The following DUS1L variants were observed in gnomAD, a reference collection of about 807,000 sequenced individuals.
DUS1L encodes dihydrouridine synthase 1 like, also known as tRNA-dihydrouridine(16/17) synthase [NAD(P)(+)]-like.
DUS1L carries 56 observed loss-of-function variants against 61.2 expected under a neutral mutation model. The observed-to-expected ratio is 0.92, with a 90% CI of 0.74 to 1.14. The LOEUF is 1.14. DUS1L is among the 50% of genes most tolerant of loss of function. The pLI is 0.00. For synonymous variants in DUS1L, 278 were observed against 259.5 expected (o/e 1.07, Z -0.69); for missense variants, 630 against 632.4 (o/e 1.00, Z 0.04).
intron 1 of DUS1L, 98 bp from the exon 2 acceptor site, chr17:82,065,167 AC>A: frequency 1.8e-6 from 2 of 1,082,618 alleles, no homozygotes; most frequent in Non-Finnish European, 2.6e-6. Flanking sequence ...CCGCTCCAGT[AC>A]CACCGTTGGG....
In DUS1L at chr17:82,058,184, C is replaced by A; in HGVS notation, c.1353G>T (p.Gln451His). 6.2e-7 allele frequency: 1 copy of A among 1,601,592 alleles called. No individual in the cohort carries two copies. Among genetic ancestry groups the A allele is most frequent in the East Asian group, 2.3e-5 (1 of 44,290 alleles). The part of the protein sequence containing the change: ...LAWKEAQPEL[Q>H]EPQPAAPGTP... ...TTCCAGGTGCTGCTGGCTGAGGCTCCTGCAGCTCAGGCTGGGCCTCTTTCC... is the reference window on the plus strand; with the variant it reads ...TTCCAGGTGCTGCTGGCTGAGGCTCATGCAGCTCAGGCTGGGCCTCTTTCC... The change falls in exon 14 of 14, where the codon CAG becomes CAT. Residue 451 changes from glutamine (Q) to histidine (H), a missense_variant. Transcript: ENST00000306796.
rs1053643088 is a variant in DUS1L at position 82,061,197 on chromosome 17, G to C, written c.842+12C>G. The C allele has an allele frequency of 9.5e-6, 15 of 1,577,142 alleles. No individual in the cohort carries two copies. In the Admixed American group the frequency reaches 1.6e-4, roughly 17 times the overall value. ...CCCTCCAACGTGGCTTCTGCCTTAG[G>C]GGGCAACTCACGTGTGGTGCCACAG... On this transcript the variant is annotated intron_variant, in intron 8 of 13. Transcript: ENST00000306796.
Position 82,060,997 on chromosome 17 carries a change from C to T in DUS1L, c.843-36G>A, listed in dbSNP as rs558824016. The T allele has an allele frequency of 2.1e-5, 34 of 1,594,768 alleles. No individual in the cohort carries two copies. The African/African-American group carries it at 2.7e-4, about 13-fold the overall frequency. On this transcript the variant is annotated intron_variant, in intron 8 of 13. Coordinates refer to ENST00000306796, the MANE Select transcript of DUS1L (RefSeq NM_022156.5). Reference sequence around the variant, plus strand: ...GGCCCTGTCACGCAGGCTGGGCTCCCGGCTCCACCGTCAGGCCCCAGGCTG... The same window carrying T: ...GGCCCTGTCACGCAGGCTGGGCTCCTGGCTCCACCGTCAGGCCCCAGGCTG...
intron 10 of DUS1L, 46 bp downstream of exon 10, chr17:82,060,655 C>T (rs776183637): frequency 1.3e-6 from 2 of 1,595,244 alleles, no homozygotes; most frequent in South Asian, 1.1e-5. Context: ...AGGGTGGAGC[C>T]CACACCTTGG....
Position 82,064,379 on chromosome 17 carries a change from A to G in DUS1L, c.238-145T>C. ...GTGCTCTGTCCTGCGGAGGCTTACA[A>G]TATGACAAAGCCGGGAGGAGTCCCC... On this transcript the variant is annotated intron_variant, in intron 2 of 13. Coordinates refer to ENST00000306796, the MANE Select transcript of DUS1L (RefSeq NM_022156.5). 6 of 670,058 alleles carry G rather than the reference A, an allele frequency of 9.0e-6. No individual in the cohort carries two copies. The South Asian group carries it at 1.1e-4, about 13-fold the overall frequency. 41.5% of individuals were successfully genotyped at this position (670,058 alleles called of 1,614,324 possible). A position where few individuals can be genotyped will look rare whatever the true frequency, so the allele number is the denominator to read the frequency against.
chr17:82,062,035 G>A (rs2033530858), intron 5 of DUS1L, 52 bp from the exon 6 acceptor site: 2 of 1,489,220 alleles, frequency 1.3e-6, no homozygotes, highest in Non-Finnish European at 1.8e-6. Context: ...CCGCCCCTCA[G>A]AGCCCCCTCC....
intron 7 of DUS1L, 111 bp downstream of exon 7, chr17:82,061,507 A>G (rs2144732378): frequency 7.0e-7 from 1 of 1,422,306 alleles, no homozygotes; most frequent in South Asian, 1.3e-5. Context: ...GATGAACACC[A>G]TCTGTGAACA....
At position 82,061,313 on chromosome 17, in the gene DUS1L, G is replaced by C; in HGVS notation, c.738C>G (p.Ser246Arg). The change falls in exon 8 of 14, where the codon AGC (serine) becomes AGG (arginine). Residue 246 changes from serine to arginine, a missense_variant. Physicochemically the swap from Ser to Arg is moderately radical, Grantham distance 110. Coordinates refer to ENST00000306796, the MANE Select transcript of DUS1L (RefSeq NM_022156.5). ...CCTCGGCCAGCTCCCACACGGCAGG[G>C]CTCCGGCCCTCGAACAGGGCGGGGT... ...LHNPALFEGR[S>R]PAVWELAEEY... 6.2e-7 allele frequency: 1 copy of C among 1,609,522 alleles called. No individual in the cohort carries two copies. The highest frequency in any genetic ancestry group is 1.1e-5 in the South Asian group (1 of 90,712).
At position 82,058,417 on chromosome 17, in the gene DUS1L, C is replaced by G. The variant is rs202067934; in HGVS notation, c.1207-1G>C. The G allele has an allele frequency of 3.4e-5, 51 of 1,486,540 alleles. No homozygotes were observed. Among genetic ancestry groups the G allele is most frequent in the Non-Finnish European group, 4.4e-5 (49 of 1,116,868 alleles). 92.1% of individuals were successfully genotyped at this position (1,486,540 alleles called of 1,614,324 possible). On this transcript the variant is annotated splice_acceptor_variant, in intron 12 of 13. Coordinates refer to ENST00000306796, the MANE Select transcript of DUS1L (RefSeq NM_022156.5). LOFTEE classifies it high-confidence loss of function. ...ACAGGCTGAACACACATCTGTTGCC[C>G]TGGGCACAGGAAATCTCGGGAGCCT...
At chr17:82,063,425 G>A (rs1434641799) in intron 4 of DUS1L, 43 bp downstream of exon 4, 1 of 1,613,140 alleles carries the variant, frequency 6.2e-7, no homozygotes, top group African/African-American at 1.3e-5. Context: ...TGTCCCTCTT[G>A]AGGGTCTCTG....
chr17:82,059,380 G>A (rs1043217824), intron 11 of DUS1L: 2 of 167,632 alleles, frequency 1.2e-5, no homozygotes, highest in African/African-American at 4.8e-5. Flanking sequence ...GGTTATCGCT[G>A]GTCTCCCCTG....
chr17:82,061,446 C>T, intron 7 of DUS1L, 93 bp from the exon 8 acceptor site: 1 of 1,506,926 alleles, frequency 6.6e-7, no homozygotes, highest in Non-Finnish European at 8.9e-7. Context: ...CCTTCTGTGC[C>T]ACCTCACAAG....
At chr17:82,059,777 C>T (rs992125488) in intron 11 of DUS1L, 171 bp downstream of exon 11, 13 of 888,888 alleles carry the variant, frequency 1.5e-5, no homozygotes, top group African/African-American at 1.0e-4. Flanking sequence ...ACAGGGTCCC[C>T]GTTCTGACCC....
At position 82,064,819 on chromosome 17, in the gene DUS1L, G is replaced by C. The variant is rs1270790659; in HGVS notation, c.237+4C>G. The C allele has an allele frequency of 1.2e-6, 2 of 1,604,298 alleles. No individual in the cohort carries two copies. The highest frequency in any genetic ancestry group is 1.1e-5 in the South Asian group (1 of 90,308). On this transcript the variant is annotated splice_donor_region_variant and intron_variant, in intron 2 of 13. Coordinates refer to ENST00000306796, the MANE Select transcript of DUS1L (RefSeq NM_022156.5). ...CGGCCGCGGCCACAGCCCCTCCTGC[G>C]CACCTGCACGATGAGGGGCCGGTCC...
Position 82,061,307 on chromosome 17 carries a change from G to T in DUS1L, c.744C>A (p.Ala248=), listed in dbSNP as rs369502194. The T allele has an allele frequency of 6.2e-7, 1 of 1,610,370 alleles. No homozygotes were observed. The highest frequency in any genetic ancestry group is 1.1e-5 in the South Asian group (1 of 90,842). ...NPALFEGRSP[A]VWELAEEYLD... is the part of the protein sequence containing the mutation. ...GATACTCCTCGGCCAGCTCCCACAC[G>T]GCAGGGCTCCGGCCCTCGAACAGGG... The change falls in exon 8 of 14, where the codon GCC becomes GCA. Residue 248 remains alanine, a synonymous_variant. Transcript: ENST00000306796.
rs2033396838 is a variant in DUS1L, at chr17:82,060,002, T to C, written c.1114A>G (p.Lys372Glu). The C allele has an allele frequency of 1.2e-6, 2 of 1,613,890 alleles. No individual in the cohort carries two copies. Among genetic ancestry groups the C allele is most frequent in the Admixed American group, 1.7e-5 (1 of 60,018 alleles). ...EGGTEVLSKN[K>E]QKKQLRNPHK... is the part of the protein sequence containing the mutation. Reference sequence around the variant, plus strand: ...GGGTTCCTCAGCTGCTTCTTTTGCTTGTTCTTGGACAGGACCTCCGTGCCA... The same window carrying C: ...GGGTTCCTCAGCTGCTTCTTTTGCTCGTTCTTGGACAGGACCTCCGTGCCA... Residue 372 changes from lysine (K) to glutamate (E), a missense_variant, in exon 11 of 14, where the codon AAG becomes GAG. Coordinates refer to ENST00000306796, the MANE Select transcript of DUS1L (RefSeq NM_022156.5).
In DUS1L at chr17:82,059,066, GGCC is replaced by G; in HGVS notation, c.1169-251_1169-249del. ...CGGATAGGAAGCAGGTGGGCTGGGGGGCCGCCGCAGGACGAGCAGCCTTATCTG... is the reference window on the plus strand; with the variant it reads ...CGGATAGGAAGCAGGTGGGCTGGGGGGCCGCAGGACGAGCAGCCTTATCTG... On this transcript the variant is annotated intron_variant, in intron 11 of 13. Transcript: ENST00000306796. 3 of 558,910 alleles carry G rather than the reference GGCC, an allele frequency of 5.4e-6. No individual in the cohort carries two copies. The South Asian group carries it at 6.2e-5, about 12-fold the overall frequency. The allele number at this position is 558,910 out of a possible 1,614,324, so 34.6% of individuals were successfully genotyped here.
In DUS1L at chr17:82,061,668, T is replaced by C. The variant is rs1405512917; in HGVS notation, c.647A>G (p.Asp216Gly). Residue 216 changes from aspartate to glycine, a missense_variant, in exon 7 of 14, where the codon GAC (aspartate) becomes GGC (glycine). Transcript: ENST00000306796. ...CGTGTCCCGGAGGCAGCGCTCCACG[T>C]CCTGCAGGCACTGGATGTTCCCGTT... ...FANGNIQCLQDVERCLRDTGV... is the reference protein window; with the variant it reads ...FANGNIQCLQGVERCLRDTGV... 2 of 1,612,894 alleles carry C rather than the reference T, an allele frequency of 1.2e-6. No individual in the cohort carries two copies. Among genetic ancestry groups the C allele is most frequent in the Non-Finnish European group, 1.7e-6 (2 of 1,179,916 alleles).
chr17:82,062,122 C>T (rs1435764106), intron 5 of DUS1L, 139 bp from the exon 6 acceptor site: 15 of 723,888 alleles, frequency 2.1e-5, no homozygotes, highest in Non-Finnish European at 3.1e-5. Context: ...GCCCCATGCC[C>T]GACTGCAGGG....
Sources: gnomAD v4.1 joint callset for allele counts on GRCh38, gnomAD v4.1.1 for gene constraint, MANE v1.5 for transcripts, NCBI Gene and HGNC (gene_info 2026-07-23, HGNC 2026-07-21) for gene names.